VARS1: variants seen among roughly 807,000 people sequenced by gnomAD.
VARS1 encodes valine--tRNA ligase.
VARS1 carries 92 observed loss-of-function variants against 161.0 expected under a neutral mutation model. That is an observed-to-expected ratio of 0.57 (90% CI 0.48 to 0.68). The LOEUF (loss-of-function observed/expected upper bound fraction) is 0.68, where lower values mean the gene tolerates loss of function less well. Among genes scored for constraint, VARS1 ranks in the 30% least tolerant of loss-of-function variants. VARS1 has a pLI of 0.00. For missense variants in VARS1, 1,338 were observed against 1,695.9 expected, an observed-to-expected ratio of 0.79 and a Z score of 3.71; for synonymous variants, 595 against 682.5, an observed-to-expected ratio of 0.87 and a Z score of 2.00.
In VARS1 at chr6:31,794,822, C is replaced by T; in HGVS notation, c.387+9G>A. ...TCTCCCCTCCCCCTCTTCTGTACAACCCCCTCACCTGGGGGTCCTGGGCCG... is the reference window on the plus strand; with the variant it reads ...TCTCCCCTCCCCCTCTTCTGTACAATCCCCTCACCTGGGGGTCCTGGGCCG... On this transcript the variant is annotated intron_variant, in intron 2 of 29. Transcript: ENST00000375663. 6.3e-7 allele frequency: 1 copy of T among 1,582,456 alleles called. No homozygotes were observed. Among genetic ancestry groups the T allele is most frequent in the African/African-American group, 1.3e-5 (1 of 74,450 alleles).
chr6:31,781,179 G>C lies in VARS1; in HGVS notation c.2545-56C>G. On this transcript the variant is annotated intron_variant, in intron 21 of 29. Transcript: ENST00000375663. The surrounding 1 kb of genome is among the most constrained non-coding windows in gnomAD (Gnocchi z 6.8). Reference sequence around the variant, plus strand: ...TCAGTCCTCTCCTTCCCCGGCCTCAGTGCCCCGACCAGGACTGTGTCTGGT... The same window carrying C: ...TCAGTCCTCTCCTTCCCCGGCCTCACTGCCCCGACCAGGACTGTGTCTGGT... 6.3e-7 allele frequency: 1 copy of C among 1,586,154 alleles called. No individual in the cohort carries two copies. Among genetic ancestry groups the C allele is most frequent in the Admixed American group, 1.7e-5 (1 of 59,004 alleles).
At position 31,779,316 on chromosome 6, in the gene VARS1, G is replaced by T; in HGVS notation, c.3401-24C>A. On this transcript the variant is annotated intron_variant, in intron 28 of 29. Coordinates refer to ENST00000375663, the MANE Select transcript of VARS1 (RefSeq NM_006295.3). The surrounding 1 kb of genome is among the most constrained non-coding windows in gnomAD (Gnocchi z 9.1). ...ACCTGCCAGGGAGGGAGAAAGGTGA[G>T]GCCTAGCTCCATGGAGACAGGAAAC... The T allele has an allele frequency of 6.2e-7, 1 of 1,601,116 alleles. No individual in the cohort carries two copies.
At chr6:31,787,456 C>A (rs963433121) in intron 8 of VARS1, among the ~76,000 whole-genome samples, 1 of 150,630 alleles carries the variant, frequency 6.6e-6, no homozygotes, top group African/African-American at 2.4e-5. Flanking sequence ...ACCAGCTTGG[C>A]CAACATGGCA....
In VARS1 at chr6:31,791,583, C is replaced by T; in HGVS notation, c.1100+27G>A. The T allele has an allele frequency of 6.3e-7, 1 of 1,591,578 alleles. No individual in the cohort carries two copies. Among genetic ancestry groups the T allele is most frequent in the Non-Finnish European group, 8.6e-7 (1 of 1,168,596 alleles). On this transcript the variant is annotated intron_variant, in intron 8 of 29. Transcript: ENST00000375663. The surrounding 1 kb of genome is among the most constrained non-coding windows in gnomAD (Gnocchi z 5.0). ...GAGAGCCAGACTAGGCAGAGGGAACCAGAGGAAGGTGCAGATAGAAGCTCA... is the reference window on the plus strand; with the variant it reads ...GAGAGCCAGACTAGGCAGAGGGAACTAGAGGAAGGTGCAGATAGAAGCTCA...
intron 8 of VARS1, among the ~76,000 whole-genome samples, chr6:31,789,417 T>TC (rs1813724613): frequency 6.6e-6 from 1 of 152,174 alleles, no homozygotes; most frequent in Non-Finnish European, 1.5e-5. Flanking sequence ...CAGAGGTATT[T>TC]TTTTGCCCAT....
chr6:31,787,999 A>G (rs9469053), intron 8 of VARS1, among the ~76,000 whole-genome samples: 14,631 of 151,838 alleles, frequency 0.096, 1,120 homozygotes, highest in African/African-American at 0.2. Flanking sequence ...GGGCTCCTAT[A>G]GTCCCAGCTA....
chr6:31,791,563 C>G lies in VARS1; in HGVS notation c.1100+47G>C. 6.4e-7 allele frequency: 1 copy of G among 1,563,920 alleles called. No individual in the cohort carries two copies. Among genetic ancestry groups the G allele is most frequent in the South Asian group, 1.2e-5 (1 of 81,848 alleles). ...GGGGCTGTCAGGGAAAAGGAGAGAG[C>G]CAGACTAGGCAGAGGGAACCAGAGG... On this transcript the variant is annotated intron_variant, in intron 8 of 29. Coordinates refer to ENST00000375663, the MANE Select transcript of VARS1 (RefSeq NM_006295.3). The surrounding 1 kb of genome is among the most constrained non-coding windows in gnomAD (Gnocchi z 5.0).
rs1813031436 is a variant in VARS1 at position 31,780,069 on chromosome 6, C to A, written c.3010G>T (p.Ala1004Ser). The change falls in exon 26 of 30, where the codon GCC becomes TCC. Residue 1004 changes from alanine (A) to serine (S), a missense_variant. Physicochemically the swap from Ala to Ser is moderately conservative, Grantham distance 99. This residue lies in a region of VARS1 where 433 missense variants were observed against 586.2 expected (regional missense o/e 0.74). Coordinates refer to ENST00000375663, the MANE Select transcript of VARS1 (RefSeq NM_006295.3). This position sits in a 1 kb window ranked among gnomAD's most constrained non-coding sequence, Gnocchi z 5.1. The part of the protein sequence containing the change: ...AVRLSNQGFQ[A>S]YDFPAVTTAQ... ...GTGGTGACGGCCGGGAAGTCGTAGG[C>A]CTGGAAGCCTTGATTGCTGAGCCTC... 2 of 1,614,120 alleles carry A rather than the reference C, an allele frequency of 1.2e-6. No homozygotes were observed. Among genetic ancestry groups the A allele is most frequent in the Non-Finnish European group, 1.7e-6 (2 of 1,180,042 alleles).
intron 13 of VARS1, among the ~76,000 whole-genome samples, chr6:31,783,488 CGA>C (rs1813295850): frequency 2.8e-4 from 43 of 151,946 alleles, no homozygotes; most frequent in Admixed American, 2.8e-3. Flanking sequence ...CTAGCCTGGG[CGA>C]TAGAGTGAGA....
chr6:31,792,742 C>A lies in VARS1; in HGVS notation c.661+15G>T, dbSNP rs752002838. 6.2e-7 allele frequency: 1 copy of A among 1,613,926 alleles called. No homozygotes were observed. The highest frequency in any genetic ancestry group is 1.7e-5 in the Admixed American group (1 of 60,004). On this transcript the variant is annotated intron_variant, in intron 4 of 29. Coordinates refer to ENST00000375663, the MANE Select transcript of VARS1 (RefSeq NM_006295.3). ...CAGGGAAGCCCCTATCCTCCAACTC[C>A]TCGCCCTTCCTCACCTGGCTGATGA...
chr6:31,791,545 T>C lies in VARS1; in HGVS notation c.1100+65A>G. ...AGAAGGAGAGAGGCTCGGGGGGCTGTCAGGGAAAAGGAGAGAGCCAGACTA... is the reference window on the plus strand; with the variant it reads ...AGAAGGAGAGAGGCTCGGGGGGCTGCCAGGGAAAAGGAGAGAGCCAGACTA... On this transcript the variant is annotated intron_variant, in intron 8 of 29. Transcript: ENST00000375663. The surrounding 1 kb of genome is among the most constrained non-coding windows in gnomAD (Gnocchi z 5.0). 20 of 1,537,544 alleles carry C rather than the reference T, an allele frequency of 1.3e-5. No homozygotes were observed. Among genetic ancestry groups the C allele is most frequent in the Non-Finnish European group, 1.7e-5 (20 of 1,143,054 alleles).
Position 31,784,124 on chromosome 6 carries a change from G to C in VARS1, c.1671+90C>G. 1 of 1,455,586 alleles carries C rather than the reference G, an allele frequency of 6.9e-7. No individual in the cohort carries two copies. The highest frequency in any genetic ancestry group is 1.2e-5 in the South Asian group (1 of 82,348). 90.2% of individuals were successfully genotyped at this position (1,455,586 alleles called of 1,614,324 possible). On this transcript the variant is annotated intron_variant, in intron 13 of 29. Transcript: ENST00000375663. The surrounding 1 kb of genome is among the most constrained non-coding windows in gnomAD (Gnocchi z 6.1). ...TTTCTAACCCAGTTTCCTCTCCTCA[G>C]CCAGGGGCCTAAGTCCAACCCCTCC...
chr6:31,792,117 A>G (rs1813910738), intron 6 of VARS1, 100 bp downstream of exon 6: 2 of 1,509,782 alleles, frequency 1.3e-6, no homozygotes, highest in East Asian at 2.3e-5. Flanking sequence ...GGGGTCTGCA[A>G]TTCCTCACCA....
chr6:31,793,039 G>T lies in VARS1; in HGVS notation c.469C>A (p.Pro157Thr). ...RLHTYLAGEAPTLADLAAVTA... is the reference protein window; with the variant it reads ...RLHTYLAGEATTLADLAAVTA... ...ACAGCCGCCAGGTCAGCCAGAGTGG[G>T]GGCCTCCCCGGCCAAGTAGGTGTGC... Residue 157 changes from proline (P) to threonine (T), a missense_variant, in exon 3 of 30, where the codon CCC becomes ACC. Physicochemically the swap from Pro to Thr is conservative, Grantham distance 38 (BLOSUM62 -1). Transcript: ENST00000375663. 6.2e-7 allele frequency: 1 copy of T among 1,613,076 alleles called. No homozygotes were observed. Among genetic ancestry groups the T allele is most frequent in the Non-Finnish European group, 8.5e-7 (1 of 1,180,018 alleles).
chr6:31,779,253 G>T lies in VARS1; in HGVS notation c.3440C>A (p.Ala1147Glu). The change falls in exon 29 of 30, where the codon GCA (alanine) becomes GAA (glutamate). Residue 1147 changes from alanine (A) to glutamate (E), a missense_variant. Ala to Glu is a moderately radical substitution (Grantham distance 107). This residue lies in a region of VARS1 where 433 missense variants were observed against 586.2 expected (regional missense o/e 0.74). Coordinates refer to ENST00000375663, the MANE Select transcript of VARS1 (RefSeq NM_006295.3). The surrounding 1 kb of genome is among the most constrained non-coding windows in gnomAD (Gnocchi z 9.1). ...EVADEATGALASAVSGYVQAL... is the reference protein window; with the variant it reads ...EVADEATGALESAVSGYVQAL... ...CTGCACGTAGCCCGACACCGCCGAT[G>T]CCAGGGCGCCCGTGGCCTCATCCGC... The T allele has an allele frequency of 6.2e-7, 1 of 1,604,754 alleles. No homozygotes were observed. Among genetic ancestry groups the T allele is most frequent in the Non-Finnish European group, 8.5e-7 (1 of 1,179,600 alleles).
Position 31,792,298 on chromosome 6 carries a change from T to C in VARS1, c.790A>G (p.Lys264Glu). Residue 264 changes from lysine to glutamate, a missense_variant, in exon 6 of 30, where the codon AAA becomes GAA. This residue lies in a region of VARS1 where 902 missense variants were observed against 1,090.3 expected (regional missense o/e 0.83). Transcript: ENST00000375663. ...QQQQPPPGEK[K>E]PKPEKREKRD... ...TTCTCCCTCTTCTCTGGTTTTGGTTTCTTCTGCTTGGGAGGGAGAAGACAT... is the reference window on the plus strand; with the variant it reads ...TTCTCCCTCTTCTCTGGTTTTGGTTCCTTCTGCTTGGGAGGGAGAAGACAT... The C allele has an allele frequency of 6.2e-7, 1 of 1,613,904 alleles. No individual in the cohort carries two copies. Among genetic ancestry groups the C allele is most frequent in the Non-Finnish European group, 8.5e-7 (1 of 1,179,974 alleles).
At chr6:31,793,509 A>C (rs1323193123) in intron 2 of VARS1, among the ~76,000 whole-genome samples, 2 of 151,526 alleles carry the variant, frequency 1.3e-5, no homozygotes, top group African/African-American at 4.8e-5. Context: ...CCGTCTCAGA[A>C]AAAAAAAAAC....
chr6:31,794,688 G>T (rs190024625), intron 2 of VARS1, 143 bp downstream of exon 2: 1 of 1,204,238 alleles, frequency 8.3e-7, no homozygotes. Flanking sequence ...CGTGCCCAGG[G>T]TTACCATACC....
In VARS1 at chr6:31,795,067, G is replaced by T. The variant is rs2753960; in HGVS notation, c.151C>A (p.Pro51Thr). Residue 51 changes from proline to threonine, a missense_variant, in exon 2 of 30, where the codon CCC becomes ACC. This residue lies in a region of VARS1 where 902 missense variants were observed against 1,090.3 expected (regional missense o/e 0.83). Transcript: ENST00000375663. This position sits in a 1 kb window ranked among gnomAD's most constrained non-coding sequence, Gnocchi z 6.9. ...GCCGGCAGGCGGGGTGGGGGAAAGG[G>T]AGTCCTGCTAGTCGGGGGTGGCTGG... ...CLQPPPTSRT[P>T]FPPPRLPALE... 638,897 of 1,524,170 alleles carry T rather than the reference G, an allele frequency of 0.42. 136,807 individuals are homozygous for T. Among genetic ancestry groups the T allele is most frequent in the Middle Eastern group, 0.49 (2,778 of 5,636 alleles). The allele number at this position is 1,524,170 out of a possible 1,614,324, so 94.4% of individuals were successfully genotyped here.
Sources: gnomAD v4.1 joint callset for allele counts (sites outside exome capture counted in the v4.1 genomes callset) on GRCh38, gnomAD v4.1.1 for gene constraint, gnomAD v4.1.1 regional missense constraint, Gnocchi (gnomAD v3.1) non-coding constraint, MANE v1.5 for transcripts, NCBI Gene and HGNC (gene_info 2026-07-23, HGNC 2026-07-21) for gene names.